SGCZ: variants seen among roughly 807,000 people sequenced by gnomAD.
SGCZ encodes sarcoglycan zeta.
Under a neutral mutation model 41.3 loss-of-function variants are expected in SGCZ, and 40 were observed. The observed-to-expected ratio is 0.97, with a 90% CI of 0.75 to 1.26. SGCZ has a LOEUF of 1.26. Ranked by LOEUF, SGCZ falls within the 50% of genes most tolerant of loss-of-function variation. The pLI, the probability that SGCZ is intolerant of heterozygous loss-of-function variation, is 0.00. For missense variants in SGCZ, 552 were observed against 369.8 expected (o/e 1.49, Z -4.04); for synonymous variants, 206 against 137.5 (o/e 1.50, Z -3.49).
intron 3 of SGCZ, among the ~76,000 whole-genome samples, chr8:14,238,245 A>G (rs910962212): frequency 1.3e-5 from 2 of 152,298 alleles, no homozygotes; most frequent in South Asian, 4.1e-4. Context: ...TTTTGTCACA[A>G]AAGGAAAGAT....
chr8:14,874,843 A>G (rs1804289819), intron 1 of SGCZ, among the ~76,000 whole-genome samples: 1 of 152,146 alleles, frequency 6.6e-6, no homozygotes, highest in Non-Finnish European at 1.5e-5. Context: ...ACCTTCCTCC[A>G]GTTATCCATT....
At position 14,179,481 on chromosome 8, in the gene SGCZ, T is replaced by C. The variant is rs187247651; in HGVS notation, c.425-14779A>G. On this transcript the variant is annotated intron_variant, in intron 4 of 7. Coordinates refer to ENST00000382080, the MANE Select transcript of SGCZ (RefSeq NM_139167.4). ...CAAGGGTTCCTGCACATCCCCACTG[T>C]CTGTCACAGTCTGGTTGCACAGGAC... Among the ~76,000 whole-genome samples, 11 of 152,318 alleles carry C rather than the reference T, an allele frequency of 7.2e-5. No individual in the cohort carries two copies. The East Asian group carries it at 1.9e-3, about 27-fold the overall frequency.
intron 1 of SGCZ, among the ~76,000 whole-genome samples, chr8:15,001,585 C>T (rs1002367876): frequency 6.6e-6 from 1 of 151,776 alleles, no homozygotes; most frequent in Admixed American, 6.6e-5. Context: ...AAAAATAAGC[C>T]GGACATGTTG....
At chr8:14,407,315 G>C (rs1371267967) in intron 2 of SGCZ, among the ~76,000 whole-genome samples, 2 of 151,912 alleles carry the variant, frequency 1.3e-5, no homozygotes, top group African/African-American at 2.4e-5. Flanking sequence ...GCGATCCAAG[G>C]TTTCTTAACT....
At chr8:14,630,532 A>G (rs1185368467) in intron 1 of SGCZ, among the ~76,000 whole-genome samples, 1 of 151,812 alleles carries the variant, frequency 6.6e-6, no homozygotes, top group Non-Finnish European at 1.5e-5. Flanking sequence ...GTATACACCC[A>G]AAGGATTATA....
chr8:14,676,452 G>A (rs370670746), intron 1 of SGCZ, among the ~76,000 whole-genome samples: 61 of 152,148 alleles, frequency 4.0e-4, no homozygotes, highest in African/African-American at 1.3e-3. Flanking sequence ...CCAGGACTTC[G>A]AGGCTGTGAT....
intron 2 of SGCZ, among the ~76,000 whole-genome samples, chr8:14,347,876 C>G (rs1389034786): frequency 2.0e-5 from 3 of 152,034 alleles, no homozygotes; most frequent in African/African-American, 4.8e-5. Context: ...AGGTTGTAAC[C>G]AAGTGCCTCA....
chr8:15,178,441 G>A (rs953900285), intron 1 of SGCZ, among the ~76,000 whole-genome samples: 1 of 152,078 alleles, frequency 6.6e-6, no homozygotes, highest in Non-Finnish European at 1.5e-5. Context: ...TCTATATTAA[G>A]AGGACATATT....
At chr8:14,432,939 A>G (rs1333781044) in intron 2 of SGCZ, among the ~76,000 whole-genome samples, 1 of 135,144 alleles carries the variant, frequency 7.4e-6, no homozygotes, top group East Asian at 2.2e-4. Flanking sequence ...AAAAAAAAAA[A>G]AAAGCTTACT....
At chr8:14,967,579 C>T (rs1191684326) in intron 1 of SGCZ, among the ~76,000 whole-genome samples, 2 of 152,148 alleles carry the variant, frequency 1.3e-5, no homozygotes, top group Non-Finnish European at 2.9e-5. Context: ...CTCAAACTCG[C>T]CACGTCTGAA....
In SGCZ at chr8:14,304,474, G is replaced by A. The variant is rs1801288993; in HGVS notation, c.336+19629C>T. ...CCAGGCATGGTGGCACATGCCTGTG[G>A]ACCCAGGTACTTAGGAGGCTGAGGT... On this transcript the variant is annotated intron_variant, in intron 3 of 7. Coordinates refer to ENST00000382080, the MANE Select transcript of SGCZ (RefSeq NM_139167.4). Among the ~76,000 whole-genome samples, 3 of 151,972 alleles carry A rather than the reference G, an allele frequency of 2.0e-5. No individual in the cohort carries two copies. The South Asian group carries it at 6.3e-4, about 32-fold the overall frequency.
At chr8:14,987,720 G>C (rs1414128719) in intron 1 of SGCZ, among the ~76,000 whole-genome samples, 1 of 151,916 alleles carries the variant, frequency 6.6e-6, no homozygotes, top group Non-Finnish European at 1.5e-5. Flanking sequence ...TGAACACAAT[G>C]TAATTAAATC....
chr8:14,977,260 G>A (rs1292383751), intron 1 of SGCZ, among the ~76,000 whole-genome samples: 1 of 152,110 alleles, frequency 6.6e-6, no homozygotes, highest in Non-Finnish European at 1.5e-5. Flanking sequence ...CTCTTTACCG[G>A]TGAGAACTCA....
Position 14,090,193 on chromosome 8 carries a change from T to C in SGCZ, c.*250A>G. On this transcript the variant is annotated 3_prime_UTR_variant, in exon 8 of 8. Coordinates refer to ENST00000382080, the MANE Select transcript of SGCZ (RefSeq NM_139167.4). ...AAAGGCACCTATGTTATTCTCCCTT[T>C]CGAGCAAAAGTCATGATCCAGTTTT... The C allele has an allele frequency of 3.0e-6, 1 of 335,198 alleles. No individual in the cohort carries two copies. 20.8% of individuals were successfully genotyped at this position (335,198 alleles called of 1,614,324 possible).
chr8:15,237,458 C>G, intron 1 of SGCZ, 127 bp downstream of exon 1: 6 of 1,165,342 alleles, frequency 5.1e-6, no homozygotes, highest in South Asian at 4.0e-5. Flanking sequence ...GCGCGTCCCC[C>G]CAACGCCCCC....
chr8:15,214,781 G>A (rs955930477), intron 1 of SGCZ, among the ~76,000 whole-genome samples: 1 of 152,108 alleles, frequency 6.6e-6, no homozygotes, highest in Non-Finnish European at 1.5e-5. Flanking sequence ...TGCCTATCTA[G>A]GCCGCTGATG....
intron 1 of SGCZ, among the ~76,000 whole-genome samples, chr8:15,099,835 GC>G (rs1806533391): frequency 6.6e-6 from 1 of 151,846 alleles, no homozygotes; most frequent in Admixed American, 6.6e-5. Context: ...ACATTAACAG[GC>G]TAAAGAGGAA....
intron 2 of SGCZ, among the ~76,000 whole-genome samples, chr8:14,406,262 G>C (rs556795022): frequency 1.0e-3 from 157 of 152,098 alleles, no homozygotes; most frequent in African/African-American, 3.6e-3. Flanking sequence ...TCTCACAGAG[G>C]CTCCCTTAGT....
chr8:15,039,826 CG>C (rs1804016024), intron 1 of SGCZ, among the ~76,000 whole-genome samples: 1 of 152,134 alleles, frequency 6.6e-6, no homozygotes, highest in Non-Finnish European at 1.5e-5. Flanking sequence ...ATTTTACATA[CG>C]TATGTGTATT....
Sources: allele counts gnomAD v4.1 joint callset (sites outside exome capture counted in the v4.1 genomes callset), GRCh38; gene constraint gnomAD v4.1.1; transcripts MANE v1.5; gene names NCBI Gene and HGNC (gene_info 2026-07-23, HGNC 2026-07-21).